The following ZCCHC7 variants were observed in gnomAD, a reference collection of about 807,000 sequenced individuals.
ZCCHC7 encodes the protein zinc finger CCHC domain-containing protein 7.
ZCCHC7 carries 35 observed loss-of-function variants against 52.0 expected under a neutral mutation model. The ratio of observed to expected loss-of-function variants is 0.67; its 90% CI spans 0.51 to 0.89. The LOEUF (loss-of-function observed/expected upper bound fraction) is 0.89, where lower values mean the gene tolerates loss of function less well. Ranked by LOEUF, ZCCHC7 falls within the 40% of genes least tolerant of loss-of-function variation. The pLI is 0.00. For missense variants in ZCCHC7, 574 were observed against 649.1 expected, an observed-to-expected ratio of 0.88 and a Z score of 1.26; for synonymous variants, 217 against 221.5, an observed-to-expected ratio of 0.98 and a Z score of 0.18.
intron 6 of ZCCHC7, among the ~76,000 whole-genome samples, chr9:37,329,556 A>C (rs149898394): frequency 6.6e-6 from 1 of 151,998 alleles, no homozygotes; most frequent in East Asian, 1.9e-4. Flanking sequence ...AGTTGAAATT[A>C]ATAATGAGTT....
At chr9:37,253,982 G>A (rs1057148066) in intron 2 of ZCCHC7, among the ~76,000 whole-genome samples, 4 of 151,678 alleles carry the variant, frequency 2.6e-5, no homozygotes, top group Non-Finnish European at 4.4e-5. Flanking sequence ...TTTCTTTAAC[G>A]TGAACCAAAA....
intron 2 of ZCCHC7, among the ~76,000 whole-genome samples, chr9:37,252,843 A>AT (rs1287178992): frequency 6.6e-6 from 1 of 152,148 alleles, no homozygotes; most frequent in Non-Finnish European, 1.5e-5. Flanking sequence ...CAATGTTATT[A>AT]TTTTGTGTTA....
chr9:37,295,840 C>T (rs1828760211), intron 2 of ZCCHC7, among the ~76,000 whole-genome samples: 1 of 152,044 alleles, frequency 6.6e-6, no homozygotes. Context: ...GCATATATGA[C>T]ATAATCTGGG....
chr9:37,282,872 CTTT>C (rs58619243), intron 2 of ZCCHC7, among the ~76,000 whole-genome samples: 5 of 78,132 alleles, frequency 6.4e-5, no homozygotes, highest in Non-Finnish European at 7.3e-5. Context: ...AGACCTGAAT[CTTT>C]TTTTTTTTTT....
chr9:37,135,934 C>G (rs768699860), intron 2 of ZCCHC7, among the ~76,000 whole-genome samples: 1 of 152,192 alleles, frequency 6.6e-6, no homozygotes, highest in African/African-American at 2.4e-5. Flanking sequence ...AGGCACTCAA[C>G]CAAGACTGGA....
intron 2 of ZCCHC7, among the ~76,000 whole-genome samples, chr9:37,293,595 C>G (rs1201194773): frequency 6.6e-6 from 1 of 152,068 alleles, no homozygotes; most frequent in Non-Finnish European, 1.5e-5. Flanking sequence ...GAACAGGCAT[C>G]CATAGTCAGT....
At chr9:37,121,633 G>A (rs1842320282) in intron 1 of ZCCHC7, 1 of 152,178 alleles carries the variant, frequency 6.6e-6, no homozygotes, top group Non-Finnish European at 1.5e-5. Flanking sequence ...AGTCAGGAAG[G>A]ATCGCAAGTG....
At chr9:37,129,459 A>C (rs749667626) in intron 2 of ZCCHC7, among the ~76,000 whole-genome samples, 1 of 152,220 alleles carries the variant, frequency 6.6e-6, no homozygotes, top group Non-Finnish European at 1.5e-5. Flanking sequence ...ATTTCCAATT[A>C]ATAAACAACA....
intron 6 of ZCCHC7, among the ~76,000 whole-genome samples, chr9:37,343,998 A>T (rs1323484695): frequency 6.6e-6 from 1 of 152,116 alleles, no homozygotes; most frequent in African/African-American, 2.4e-5. Flanking sequence ...TGTGGTGATT[A>T]TTATTATTTT....
intron 2 of ZCCHC7, among the ~76,000 whole-genome samples, chr9:37,257,042 T>C (rs1826623960): frequency 6.6e-6 from 1 of 152,132 alleles, no homozygotes; most frequent in Admixed American, 6.5e-5. Flanking sequence ...CCCATGGAAT[T>C]AGTAGTTTTC....
intron 2 of ZCCHC7, among the ~76,000 whole-genome samples, chr9:37,192,267 A>G (rs1823057343): frequency 6.6e-6 from 1 of 152,256 alleles, no homozygotes; most frequent in South Asian, 2.1e-4. Flanking sequence ...TTAATAAGGC[A>G]GCCCATCTCA....
At chr9:37,277,928 G>A (rs1157339717) in intron 2 of ZCCHC7, among the ~76,000 whole-genome samples, 3 of 151,912 alleles carry the variant, frequency 2.0e-5, no homozygotes, top group African/African-American at 7.2e-5. Flanking sequence ...AAACTTTGAT[G>A]TATACTCAAG....
chr9:37,120,489 C>T (rs1276625084), upstream of ZCCHC7: 2 of 398,800 alleles, frequency 5.0e-6, no homozygotes, highest in East Asian at 7.1e-5. Flanking sequence ...GTGACTAGAG[C>T]TGTGTTGTCC....
intron 2 of ZCCHC7, among the ~76,000 whole-genome samples, chr9:37,226,650 A>G (rs1313204043): frequency 2.6e-5 from 4 of 152,210 alleles, no homozygotes; most frequent in Admixed American, 6.5e-5. Flanking sequence ...AAAATGAACC[A>G]TATCTCTTCC....
At chr9:37,124,547 G>A (rs1392572844) in intron 1 of ZCCHC7, among the ~76,000 whole-genome samples, 1 of 152,014 alleles carries the variant, frequency 6.6e-6, no homozygotes, top group Non-Finnish European at 1.5e-5. Context: ...TGCCCTCCTG[G>A]GATTTGTGAT....
intron 2 of ZCCHC7, among the ~76,000 whole-genome samples, chr9:37,252,334 T>C (rs2133400210): frequency 6.6e-6 from 1 of 152,304 alleles, no homozygotes; most frequent in Admixed American, 6.5e-5. Context: ...ATTTATGAAA[T>C]CTATCTTCAA....
At chr9:37,122,042 A>T (rs1842338459) in intron 1 of ZCCHC7, among the ~76,000 whole-genome samples, 1 of 152,200 alleles carries the variant, frequency 6.6e-6, no homozygotes, top group Non-Finnish European at 1.5e-5. Context: ...TTCCAATGAA[A>T]ATTGGACTGA....
chr9:37,227,082 A>G (rs1164911292), intron 2 of ZCCHC7, among the ~76,000 whole-genome samples: 3 of 152,048 alleles, frequency 2.0e-5, no homozygotes, highest in Non-Finnish European at 4.4e-5. Context: ...ATATATTTTA[A>G]TATTTGATAC....
chr9:37,198,541 A>G (rs536250868), intron 2 of ZCCHC7, among the ~76,000 whole-genome samples: 2 of 152,224 alleles, frequency 1.3e-5, no homozygotes, highest in Non-Finnish European at 1.5e-5. Context: ...CCGTCTGTCT[A>G]TTTTAGTCTT....
Sources: gnomAD v4.1 joint callset for allele counts (sites outside exome capture counted in the v4.1 genomes callset) on GRCh38, gnomAD v4.1.1 for gene constraint, MANE v1.5 for transcripts, NCBI Gene and HGNC (gene_info 2026-07-23, HGNC 2026-07-21) for gene names.